Variants in MARK3 observed in about 807,000 individuals in gnomAD.
MARK3 encodes the protein microtubule affinity regulating kinase 3, also known as MAP/microtubule affinity-regulating kinase 3.
Under a neutral mutation model 90.1 loss-of-function variants are expected in MARK3, and 46 were observed. That is an observed-to-expected ratio of 0.51 (90% CI 0.40 to 0.65). The LOEUF is 0.65. Ranked by LOEUF, MARK3 falls within the 30% of genes least tolerant of loss-of-function variation. MARK3 has a pLI of 0.00. For missense variants in MARK3, 818 were observed against 947.2 expected, an observed-to-expected ratio of 0.86 and a Z score of 1.79; for synonymous variants, 321 against 332.6, an observed-to-expected ratio of 0.97 and a Z score of 0.38.
Position 103,467,416 on chromosome 14 carries a change from G to T in MARK3, c.1110+225G>T, listed in dbSNP as rs187264310. 711 of 302,678 alleles carry T rather than the reference G, an allele frequency of 2.3e-3. 8 individuals carry two copies. The highest frequency in any genetic ancestry group is 0.014 in the African/African-American group (662 of 45,934). The allele number at this position is 302,678 out of a possible 1,614,324, so 18.7% of individuals were successfully genotyped here. On this transcript the variant is annotated intron_variant, in intron 11 of 17. Coordinates refer to ENST00000429436, the MANE Select transcript of MARK3 (RefSeq NM_001128918.3). ...GTGGTGGCTCATGCCTGTAATCCCA[G>T]CACTTTGGGAGGCCAAGGCGGACAG...
At chr14:103,458,745 AC>A in intron 6 of MARK3, 1 of 728,584 alleles carries the variant, frequency 1.4e-6, no homozygotes, top group Non-Finnish European at 2.5e-6. Context: ...AGCTGGACAG[AC>A]TATTAAAGTT....
intron 14 of MARK3, 118 bp downstream of exon 14, chr14:103,480,608 A>G (rs1172797579): frequency 8.0e-6 from 5 of 622,312 alleles, no homozygotes; most frequent in Non-Finnish European, 1.4e-5. Context: ...TATTCTCTGA[A>G]GGTAAGTTAA....
intron 14 of MARK3, chr14:103,490,478 A>C (rs982901016): frequency 1.3e-5 from 2 of 152,204 alleles, no homozygotes; most frequent in African/African-American, 4.8e-5. Flanking sequence ...TGAAGCCACA[A>C]ATTTAAGACC....
At chr14:103,434,254 A>C (rs1196014617) in intron 3 of MARK3, among the ~76,000 whole-genome samples, 1 of 152,206 alleles carries the variant, frequency 6.6e-6, no homozygotes, top group African/African-American at 2.4e-5. Flanking sequence ...GGAGTCTGCC[A>C]ATTTTAACCA....
intron 3 of MARK3, among the ~76,000 whole-genome samples, chr14:103,435,099 A>G (rs1181563500): frequency 1.3e-5 from 2 of 152,190 alleles, no homozygotes; most frequent in Non-Finnish European, 2.9e-5. Flanking sequence ...AAGGAGAACC[A>G]GTTCATGCTT....
At chr14:103,442,944 C>CG (rs1007024107) in intron 3 of MARK3, among the ~76,000 whole-genome samples, 3 of 77,348 alleles carry the variant, frequency 3.9e-5, no homozygotes, top group African/African-American at 9.7e-5. Flanking sequence ...GGTGGGTGTC[C>CG]CCCCCCCTCC....
At chr14:103,466,595 A>C (rs2141590863) in intron 10 of MARK3, among the ~76,000 whole-genome samples, 153 bp downstream of exon 10, 1 of 152,362 alleles carries the variant, frequency 6.6e-6, no homozygotes. Flanking sequence ...GAACGTAACT[A>C]CCTGCAGTTT....
At chr14:103,404,017 A>G (rs1455339073) in intron 1 of MARK3, among the ~76,000 whole-genome samples, 1 of 152,252 alleles carries the variant, frequency 6.6e-6, no homozygotes, top group East Asian at 1.9e-4. Context: ...TGAAAATATT[A>G]GAGAAATAAT....
intron 14 of MARK3, among the ~76,000 whole-genome samples, chr14:103,487,202 C>T (rs1335284709): frequency 6.6e-6 from 1 of 151,040 alleles, no homozygotes; most frequent in Non-Finnish European, 1.5e-5. Flanking sequence ...CAGGCGTGGG[C>T]CACCACGCCC....
intron 15 of MARK3, 56 bp downstream of exon 15, chr14:103,492,090 G>A: frequency 1.3e-6 from 2 of 1,572,176 alleles, no homozygotes; most frequent in Non-Finnish European, 1.7e-6. Context: ...AAGGAAAGAT[G>A]TCTTTTTTGT....
chr14:103,420,334 G>A (rs6575986), intron 2 of MARK3, among the ~76,000 whole-genome samples: 93,820 of 151,718 alleles, frequency 0.62, 30,150 homozygotes, highest in Middle Eastern at 0.75. Context: ...GGCCCAAGCA[G>A]TCCTTCCACC....
intron 6 of MARK3, among the ~76,000 whole-genome samples, chr14:103,457,665 C>T (rs934433320): frequency 3.9e-5 from 6 of 152,112 alleles, no homozygotes; most frequent in African/African-American, 1.4e-4. Context: ...TAAAGAGACT[C>T]GGGTTTTAAT....
At chr14:103,448,878 GTGTT>G (rs56683493) in intron 3 of MARK3, 37 bp from the exon 4 acceptor site, 482,480 of 1,479,460 alleles carry the variant, frequency 0.33, 84,830 homozygotes, top group Admixed American at 0.36. Flanking sequence ...TTAATAACTT[GTGTT>G]GGGGGGATTA....
chr14:103,409,519 G>A (rs1356848807), intron 2 of MARK3, among the ~76,000 whole-genome samples: 1 of 145,068 alleles, frequency 6.9e-6, no homozygotes, highest in South Asian at 2.2e-4. Flanking sequence ...TTTGCCTATT[G>A]TAGATATGAC....
chr14:103,403,779 T>G (rs542937231), intron 1 of MARK3, among the ~76,000 whole-genome samples: 1 of 152,356 alleles, frequency 6.6e-6, no homozygotes, highest in African/African-American at 2.4e-5. Context: ...ATCAACTCCA[T>G]ATTTATAAAT....
intron 5 of MARK3, among the ~76,000 whole-genome samples, chr14:103,453,904 G>A (rs370198817): frequency 3.8e-4 from 58 of 152,208 alleles, no homozygotes; most frequent in Non-Finnish European, 7.2e-4. Flanking sequence ...GGCCTGGACC[G>A]CCAGTGCTCT....
At chr14:103,494,278 A>G (rs1300425745) in intron 15 of MARK3, among the ~76,000 whole-genome samples, 2 of 145,962 alleles carry the variant, frequency 1.4e-5, no homozygotes, top group Non-Finnish European at 3.0e-5. Context: ...TTGGCCAGGC[A>G]TGGTGGCTCA....
intron 13 of MARK3, among the ~76,000 whole-genome samples, chr14:103,479,791 C>T (rs1366854523): frequency 6.6e-6 from 1 of 151,964 alleles, no homozygotes; most frequent in Non-Finnish European, 1.5e-5. Context: ...CAGGCATGCA[C>T]CACCACAGCC....
chr14:103,410,413 A>T (rs2091561866), intron 2 of MARK3, among the ~76,000 whole-genome samples: 1 of 152,258 alleles, frequency 6.6e-6, no homozygotes, highest in Admixed American at 6.5e-5. Flanking sequence ...GGGAGGGGAC[A>T]TTCATTCAAA....
Sources: allele counts gnomAD v4.1 joint callset (sites outside exome capture counted in the v4.1 genomes callset), GRCh38; gene constraint gnomAD v4.1.1; transcripts MANE v1.5; gene names NCBI Gene and HGNC (gene_info 2026-07-23, HGNC 2026-07-21).